RAP1B: variants seen among roughly 807,000 people sequenced by gnomAD.
RAP1B encodes ras-related protein Rap-1b.
RAP1B carries 1 observed loss-of-function variant against 27.5 expected under a neutral mutation model. That is an observed-to-expected ratio of 0.04 (90% CI 0.01 to 0.17). The LOEUF is 0.17. Among genes scored for constraint, RAP1B ranks in the 10% least tolerant of loss-of-function variants. The pLI, the probability that RAP1B is intolerant of heterozygous loss-of-function variation, is 1.00. For missense variants in RAP1B, 84 were observed against 214.8 expected (o/e 0.39, Z 3.81); for synonymous variants, 75 against 73.1 (o/e 1.03, Z -0.13).
chr12:68,630,764 A>G lies in RAP1B; in HGVS notation c.-26-17935A>G, dbSNP rs535652999. On this transcript the variant is annotated intron_variant, in intron 1 of 7. Transcript: ENST00000250559. ...GCTGTCACAGCTCACTGCAACCTCA[A>G]CCTCCCCAGGCTCAGGTGATCCTTT... is the stretch of plus-strand genomic sequence containing the variant. Among the ~76,000 whole-genome samples, 48 of 151,514 alleles carry G rather than the reference A, an allele frequency of 3.2e-4. 1 individual carries two copies. Among genetic ancestry groups the G allele is most frequent in the African/African-American group, 1.0e-3 (43 of 41,250 alleles).
chr12:68,654,956 G>A (rs1874095830), intron 5 of RAP1B, among the ~76,000 whole-genome samples: 1 of 152,088 alleles, frequency 6.6e-6, no homozygotes, highest in South Asian at 2.1e-4. Flanking sequence ...TCAGCAGTAG[G>A]ACCCAGGAAT....
intron 1 of RAP1B, among the ~76,000 whole-genome samples, chr12:68,629,290 C>T (rs1872062306): frequency 6.6e-6 from 1 of 152,134 alleles, no homozygotes; most frequent in Non-Finnish European, 1.5e-5. Context: ...AATCCTTTAT[C>T]TAAAGACAGT....
chr12:68,631,043 AC>A, intron 1 of RAP1B, among the ~76,000 whole-genome samples: 1 of 152,124 alleles, frequency 6.6e-6, no homozygotes, highest in South Asian at 2.1e-4. Context: ...GTAGGCAAAT[AC>A]CCTAAGTGCT....
intron 1 of RAP1B, among the ~76,000 whole-genome samples, chr12:68,631,503 C>T (rs1268938713): frequency 2.0e-5 from 3 of 152,146 alleles, no homozygotes; most frequent in African/African-American, 2.4e-5. Flanking sequence ...AGTCAGAGCT[C>T]TTCACTGATA....
Position 68,628,449 on chromosome 12 carries a change from G to T in RAP1B, c.-27+17406G>T, listed in dbSNP as rs138275573. ...CCACAGTAATTTTGTAAGTTGCTTG[G>T]TATTTTTTAATGACTTATTTTTATA... is the stretch of plus-strand genomic sequence containing the variant. On this transcript the variant is annotated intron_variant, in intron 1 of 7. Coordinates refer to ENST00000250559, the MANE Select transcript of RAP1B (RefSeq NM_001010942.3). Among the ~76,000 whole-genome samples the T allele has an allele frequency of 8.0e-3, 1,217 of 152,228 alleles. 10 individuals carry two copies. Among genetic ancestry groups the T allele is most frequent in the African/African-American group, 0.024 (976 of 41,530 alleles).
At chr12:68,656,713 C>T (rs1194451552) in intron 6 of RAP1B, 1 of 550,470 alleles carries the variant, frequency 1.8e-6, no homozygotes, top group Non-Finnish European at 3.2e-6. Context: ...CAGATTAAGA[C>T]TTCAGGTATA....
At chr12:68,626,503 C>T (rs902181167) in intron 1 of RAP1B, among the ~76,000 whole-genome samples, 22 of 152,134 alleles carry the variant, frequency 1.4e-4, no homozygotes, top group Non-Finnish European at 2.9e-4. Context: ...CTCTTTCCCC[C>T]CAGTCTCAGT....
chr12:68,647,449 G>C (rs1219467120), intron 1 of RAP1B, among the ~76,000 whole-genome samples: 1 of 132,800 alleles, frequency 7.5e-6, no homozygotes, highest in African/African-American at 2.9e-5. Flanking sequence ...TTGAGCTCCT[G>C]ATTTCAAGTG....
intron 1 of RAP1B, among the ~76,000 whole-genome samples, chr12:68,633,226 C>G (rs1379076131): frequency 6.6e-6 from 1 of 152,006 alleles, no homozygotes; most frequent in Non-Finnish European, 1.5e-5. Flanking sequence ...ACTGAACCCC[C>G]CACCACCCAT....
intron 1 of RAP1B, among the ~76,000 whole-genome samples, chr12:68,622,965 T>A (rs1237236117): frequency 3.9e-5 from 6 of 152,226 alleles, no homozygotes; most frequent in Admixed American, 3.9e-4. Flanking sequence ...ACTCCCAAAG[T>A]GCTGGGATTT....
chr12:68,618,056 C>A (rs1457830280), intron 1 of RAP1B, among the ~76,000 whole-genome samples: 1 of 149,974 alleles, frequency 6.7e-6, no homozygotes, highest in Non-Finnish European at 1.5e-5. Flanking sequence ...AGCCACCATA[C>A]CCAGCTGTAT....
intron 1 of RAP1B, among the ~76,000 whole-genome samples, chr12:68,630,102 A>C (rs535625652): frequency 6.6e-6 from 1 of 152,214 alleles, no homozygotes; most frequent in Non-Finnish European, 1.5e-5. Flanking sequence ...TCAACACTGC[A>C]CTTAGCTACA....
intron 5 of RAP1B, among the ~76,000 whole-genome samples, chr12:68,654,571 G>A (rs925006682): frequency 7.9e-5 from 12 of 151,438 alleles, no homozygotes; most frequent in Admixed American, 4.6e-4. Flanking sequence ...TGTACCTCCC[G>A]GGTTCACGCC....
intron 1 of RAP1B, among the ~76,000 whole-genome samples, chr12:68,638,768 C>G (rs1872796257): frequency 6.6e-6 from 1 of 152,096 alleles, no homozygotes; most frequent in African/African-American, 2.4e-5. Flanking sequence ...TCAAATGATT[C>G]TCCTGCCTCA....
In RAP1B at chr12:68,662,612, C is replaced by T. The variant is rs1874662493; in HGVS notation, c.*3363C>T. 1.3e-5 allele frequency: 2 copies of T among 151,856 alleles called. No individual in the cohort carries two copies. Among genetic ancestry groups the T allele is most frequent in the Non-Finnish European group, 2.9e-5 (2 of 67,978 alleles). The allele number at this position is 151,856 out of a possible 1,614,324, so 9.4% of individuals were successfully genotyped here. ...TCTGTGTTTTCATTGAATTTAATCT[C>T]CATCTATTCTATCTCTTCTTAAATC... On this transcript the variant is annotated 3_prime_UTR_variant, in exon 8 of 8. Coordinates refer to ENST00000250559, the MANE Select transcript of RAP1B (RefSeq NM_001010942.3).
intron 1 of RAP1B, among the ~76,000 whole-genome samples, chr12:68,623,818 C>T (rs566053493): frequency 6.6e-5 from 10 of 152,176 alleles, no homozygotes; most frequent in East Asian, 5.8e-4. Flanking sequence ...GTCAGGAGAT[C>T]GAGACCATCC....
At chr12:68,647,380 A>AC (rs1565670481) in intron 1 of RAP1B, among the ~76,000 whole-genome samples, 4 of 4,792 alleles carry the variant, frequency 8.3e-4, no homozygotes, top group Non-Finnish European at 1.1e-3. Flanking sequence ...CCCCCACTCC[A>AC]CTCCCCGCCC....
intron 1 of RAP1B, among the ~76,000 whole-genome samples, chr12:68,625,497 C>T (rs1295194702): frequency 2.6e-5 from 4 of 152,210 alleles, no homozygotes; most frequent in Non-Finnish European, 5.9e-5. Context: ...TTTTTCTCCT[C>T]TGAACTTCTG....
chr12:68,654,800 C>A (rs570827330), intron 5 of RAP1B, among the ~76,000 whole-genome samples: 2 of 152,128 alleles, frequency 1.3e-5, no homozygotes, highest in Admixed American at 1.3e-4. Context: ...TTAGGTGCCC[C>A]TTCAGAGTCT....
Sources: gnomAD v4.1 joint callset for allele counts (sites outside exome capture counted in the v4.1 genomes callset) on GRCh38, gnomAD v4.1.1 for gene constraint, MANE v1.5 for transcripts, NCBI Gene and HGNC (gene_info 2026-07-23, HGNC 2026-07-21) for gene names.